Variants in ADGRV1 observed in about 807,000 individuals in gnomAD.
The protein encoded by ADGRV1 is adhesion G protein-coupled receptor V1, also known as G-protein coupled receptor 98.
A neutral mutation model predicts 596.2 loss-of-function variants in ADGRV1; 359 were observed. The observed-to-expected ratio is 0.60, with a 90% CI of 0.55 to 0.66. The LOEUF is 0.66. Ranked by LOEUF, ADGRV1 falls within the 30% of genes least tolerant of loss-of-function variation. The probability of loss-of-function intolerance (pLI) is 0.00; values close to 1 mark genes in which losing one functional copy is unlikely to be tolerated. For synonymous variants in ADGRV1, 2,681 were observed against 2,679.2 expected, an observed-to-expected ratio of 1.00 and a Z score of -0.02; for missense variants, 7,274 against 7,575.6, an observed-to-expected ratio of 0.96 and a Z score of 1.48.
intron 1 of ADGRV1, among the ~76,000 whole-genome samples, chr5:90,605,576 T>C (rs1762016083): frequency 6.6e-6 from 1 of 152,206 alleles, no homozygotes; most frequent in South Asian, 2.1e-4. Context: ...AGTCTTAGTA[T>C]GTACCATGGC....
chr5:90,686,538 A>G (rs558449685), intron 29 of ADGRV1, among the ~76,000 whole-genome samples: 56 of 152,138 alleles, frequency 3.7e-4, no homozygotes, highest in African/African-American at 1.3e-3. Context: ...TACAAAGGAC[A>G]TGAACTCATC....
intron 85 of ADGRV1, among the ~76,000 whole-genome samples, chr5:91,002,208 GCTCAA>G (rs1367610640): frequency 3.9e-5 from 6 of 151,980 alleles, no homozygotes; most frequent in Admixed American, 1.3e-4. Flanking sequence ...GGTGTGTTCT[GCTCAA>G]TGAAATTTTT....
chr5:90,777,165 C>T (rs749622744), intron 61 of ADGRV1, among the ~76,000 whole-genome samples: 3 of 152,062 alleles, frequency 2.0e-5, no homozygotes, highest in Admixed American at 1.3e-4. Flanking sequence ...GGAGAGCTGA[C>T]GTGTCCTACC....
At chr5:91,112,271 C>T (rs148414487) in intron 87 of ADGRV1, among the ~76,000 whole-genome samples, 1 of 152,218 alleles carries the variant, frequency 6.6e-6, no homozygotes, top group Non-Finnish European at 1.5e-5. Context: ...CTGGCTCCCT[C>T]CTTCCAAACA....
At chr5:91,104,886 G>A (rs1440184899) in intron 87 of ADGRV1, among the ~76,000 whole-genome samples, 1 of 125,924 alleles carries the variant, frequency 7.9e-6, no homozygotes, top group Non-Finnish European at 1.6e-5. Context: ...TTGAGACAGA[G>A]TCTCACTCTG....
At chr5:91,044,039 A>G (rs1785587573) in intron 85 of ADGRV1, among the ~76,000 whole-genome samples, 1 of 152,080 alleles carries the variant, frequency 6.6e-6, no homozygotes, top group Admixed American at 6.6e-5. Context: ...TATAGGAGAT[A>G]CTCAACAAAT....
chr5:90,932,817 TACAC>T (rs1224286169), intron 83 of ADGRV1, among the ~76,000 whole-genome samples: 10 of 151,818 alleles, frequency 6.6e-5, no homozygotes, highest in African/African-American at 2.4e-4. Context: ...TGTGTATACA[TACAC>T]ATAGTATACA....
At chr5:90,846,974 G>A (rs1015060111) in intron 78 of ADGRV1, among the ~76,000 whole-genome samples, 2 of 152,210 alleles carry the variant, frequency 1.3e-5, no homozygotes, top group Non-Finnish European at 2.9e-5. Context: ...GATACAGAGT[G>A]TCAATTGGTG....
Position 90,791,305 on chromosome 5 carries a change from G to T in ADGRV1, c.14476G>T (p.Gly4826Cys). 6.3e-7 allele frequency: 1 copy of T among 1,591,156 alleles called. No homozygotes were observed. The highest frequency in any genetic ancestry group is 2.3e-5 in the East Asian group (1 of 43,850). ...NAERQLVVKD[G>C]ATYKVDVVPI... is the part of the protein sequence containing the mutation. ...AGAGAGGCAGCTGGTGGTCAAAGAT[G>T]GTGCCACATATAAAGTGGACGTGGT... Residue 4826 changes from glycine (G) to cysteine (C), a missense_variant, in exon 70 of 90, where the codon GGT (glycine) becomes TGT (cysteine). Around this residue, in one of 5 missense-constraint regions of ADGRV1, gnomAD observed 1,874 missense variants for 1,970.2 expected, o/e 0.95. Transcript: ENST00000405460.
At chr5:90,879,679 G>A (rs2150534911) in intron 83 of ADGRV1, among the ~76,000 whole-genome samples, 1 of 152,054 alleles carries the variant, frequency 6.6e-6, no homozygotes, top group Middle Eastern at 3.4e-3. Flanking sequence ...AGGCACAATG[G>A]CTTGTGCCTG....
Position 90,788,187 on chromosome 5 carries a change from A to C in ADGRV1, c.13770A>C (p.Arg4590Ser). The part of the protein sequence containing the change: ...FYFGEGEGGV[R>S]TIILTIYPHE... ...TTGGAGAAGGAGAAGGAGGAGTGAG[A>C]ACCATAATTCTGACAATCTATCCTC... The change falls in exon 68 of 90, where the codon AGA (arginine) becomes AGC (serine). Residue 4590 changes from arginine (R) to serine (S), a missense_variant. By Grantham distance (110) the Arg-to-Ser change is moderately radical. Around this residue, in one of 5 missense-constraint regions of ADGRV1, gnomAD observed 3,643 missense variants for 3,809.2 expected, o/e 0.96. Coordinates refer to ENST00000405460, the MANE Select transcript of ADGRV1 (RefSeq NM_032119.4). The C allele has an allele frequency of 6.2e-7, 1 of 1,613,888 alleles. No individual in the cohort carries two copies. The highest frequency in any genetic ancestry group is 8.5e-7 in the Non-Finnish European group (1 of 1,179,808).
chr5:90,617,511 T>TCTCTA (rs1763520066), intron 2 of ADGRV1: 2 of 205,646 alleles, frequency 9.7e-6, no homozygotes, highest in Non-Finnish European at 2.0e-5. Flanking sequence ...GGTTTCACCA[T>TCTCTA]ATTGGCCAGG....
At chr5:90,676,906 A>G (rs1354770235) in intron 25 of ADGRV1, 1 of 152,196 alleles carries the variant, frequency 6.6e-6, no homozygotes, top group Non-Finnish European at 1.5e-5. Context: ...GGGTTATTGG[A>G]GTCAAACTTA....
At chr5:91,103,461 G>A (rs1791571076) in intron 87 of ADGRV1, among the ~76,000 whole-genome samples, 1 of 150,710 alleles carries the variant, frequency 6.6e-6, no homozygotes, top group Non-Finnish European at 1.5e-5. Flanking sequence ...AGAGTGAGTA[G>A]GGGCCTGTTG....
chr5:90,559,562 G>A (rs988369868), intron 1 of ADGRV1, among the ~76,000 whole-genome samples: 1 of 152,098 alleles, frequency 6.6e-6, no homozygotes, highest in Admixed American at 6.5e-5. Flanking sequence ...AGCAGTGTTC[G>A]TCAGGGGAAA....
At chr5:91,031,438 GTCACTCAACTC>G in intron 85 of ADGRV1, 1 of 759,322 alleles carries the variant, frequency 1.3e-6, no homozygotes, top group African/African-American at 1.7e-5. Flanking sequence ...GCATTAAAGA[GTCACTCAACTC>G]TGAATAATCT....
At chr5:91,046,133 T>G (rs777844441) in intron 85 of ADGRV1, among the ~76,000 whole-genome samples, 4 of 151,808 alleles carry the variant, frequency 2.6e-5, no homozygotes, top group Non-Finnish European at 5.9e-5. Context: ...CAACAAAATA[T>G]CATCATCATT....
Position 90,674,172 on chromosome 5 carries a change from C to T in ADGRV1, c.5048C>T (p.Ala1683Val). 6.2e-7 allele frequency: 1 copy of T among 1,612,228 alleles called. No homozygotes were observed. The highest frequency in any genetic ancestry group is 8.5e-7 in the Non-Finnish European group (1 of 1,178,980). The change falls in exon 23 of 90, where the codon GCA becomes GTA. Residue 1683 changes from alanine to valine, a missense_variant. Around this residue, in one of 5 missense-constraint regions of ADGRV1, gnomAD observed 3,643 missense variants for 3,809.2 expected, o/e 0.96. Transcript: ENST00000405460. ...GKLGSTPTSG[A>V]SIDPEKETTD... ...CTAGGCTCAACTCCTACCAGTGGTG[C>T]AAGCATAGATCCTGAAAAGGAAACG...
chr5:90,729,832 T>C, intron 50 of ADGRV1, 68 bp downstream of exon 50: 2 of 1,494,422 alleles, frequency 1.3e-6, no homozygotes, highest in Non-Finnish European at 1.8e-6. Context: ...TTTAATCTCA[T>C]TGATTTAGAT....
Sources: gnomAD v4.1 joint callset for allele counts (sites outside exome capture counted in the v4.1 genomes callset) on GRCh38, gnomAD v4.1.1 for gene constraint, gnomAD v4.1.1 regional missense constraint, MANE v1.5 for transcripts, NCBI Gene and HGNC (gene_info 2026-07-23, HGNC 2026-07-21) for gene names.